Variants in FKBP9 observed in about 807,000 individuals in gnomAD.
FKBP9 encodes the protein FKBP prolyl isomerase 9.
In FKBP9, 27 loss-of-function variants were observed where a neutral mutation model predicts 55.6. The ratio of observed to expected loss-of-function variants is 0.49; its 90% CI spans 0.36 to 0.67. The LOEUF (loss-of-function observed/expected upper bound fraction) is 0.67. FKBP9 is among the 30% of genes least tolerant of loss of function. The pLI, the probability that FKBP9 is intolerant of heterozygous loss-of-function variation, is 0.00. For synonymous variants in FKBP9, 267 were observed against 296.5 expected, an observed-to-expected ratio of 0.90 and a Z score of 1.02; for missense variants, 539 against 742.8, an observed-to-expected ratio of 0.73 and a Z score of 3.19.
rs372601051 is a variant in FKBP9, at chr7:33,000,228, C to T, written c.1340C>T (p.Pro447Leu). ...CVGEKRTVII[P>L]PHLGYGEAGV... ...GGCGAGAAACGGACAGTGATCATTCCGCCTCACCTGGGCTATGGGGAAGCT... is the reference window on the plus strand; with the variant it reads ...GGCGAGAAACGGACAGTGATCATTCTGCCTCACCTGGGCTATGGGGAAGCT... The change falls in exon 8 of 10, where the codon CCG (proline) becomes CTG (leucine). Residue 447 changes from proline to leucine, a missense_variant. This residue lies in a region of FKBP9 where 102 missense variants were observed against 200.7 expected (regional missense o/e 0.51). Transcript: ENST00000242209. 1.3e-5 allele frequency: 21 copies of T among 1,612,868 alleles called. No individual in the cohort carries two copies. The highest frequency in any genetic ancestry group is 1.1e-4 in the East Asian group (5 of 44,784).
chr7:32,996,075 C>T (rs1315968391), intron 6 of FKBP9, 88 bp from the exon 7 acceptor site: 1 of 1,212,706 alleles, frequency 8.2e-7, no homozygotes. Context: ...ACTTGGAGGG[C>T]CTTGAGGACA....
At chr7:32,967,349 A>G (rs1388692390) in intron 1 of FKBP9, among the ~76,000 whole-genome samples, 1 of 152,248 alleles carries the variant, frequency 6.6e-6, no homozygotes, top group Non-Finnish European at 1.5e-5. Flanking sequence ...TGCAAAATTG[A>G]AACTTTGTGC....
At chr7:32,960,416 G>A (rs1167697620) in intron 1 of FKBP9, among the ~76,000 whole-genome samples, 1 of 152,104 alleles carries the variant, frequency 6.6e-6, no homozygotes, top group Non-Finnish European at 1.5e-5. Flanking sequence ...CGCCTGGCCT[G>A]TGTCTTTGAT....
Position 33,005,177 on chromosome 7 carries a change from C to G in FKBP9, c.1539C>G (p.Phe513Leu), listed in dbSNP as rs541221401. ...TTTCCTGTCCCCTTCTTTTCCAGTT[C>G]TCAGAGTACATTCACGCCCAGGTGG... ...DGNGEVLLEE[F>L]SEYIHAQVAS... The change falls in exon 10 of 10, where the codon TTC becomes TTG. Residue 513 changes from phenylalanine (F) to leucine (L), a missense_variant and splice_region_variant. Phe to Leu is a conservative substitution (Grantham distance 22). Around this residue, in one of 4 missense-constraint regions of FKBP9, gnomAD observed 102 missense variants for 200.7 expected, o/e 0.51. Transcript: ENST00000242209. The G allele has an allele frequency of 1.2e-6, 2 of 1,613,378 alleles. No individual in the cohort carries two copies. Among genetic ancestry groups the G allele is most frequent in the Non-Finnish European group, 1.7e-6 (2 of 1,179,478 alleles).
chr7:32,977,751 G>A (rs1449535958), intron 4 of FKBP9, among the ~76,000 whole-genome samples: 1 of 149,656 alleles, frequency 6.7e-6, no homozygotes, highest in African/African-American at 2.5e-5. Flanking sequence ...GGGAGCCTGA[G>A]GTGATGGGGC....
At chr7:33,001,684 T>C (rs1296682511) in intron 8 of FKBP9, among the ~76,000 whole-genome samples, 2 of 152,160 alleles carry the variant, frequency 1.3e-5, no homozygotes, top group East Asian at 3.8e-4. Flanking sequence ...ATTCCATACT[T>C]AGATAACTTC....
intron 1 of FKBP9, among the ~76,000 whole-genome samples, chr7:32,970,236 G>A (rs1022848373): frequency 7.3e-5 from 11 of 151,524 alleles, no homozygotes; most frequent in Admixed American, 5.3e-4. Flanking sequence ...TCGCTCTGTC[G>A]CCCAGACTGG....
At chr7:32,990,993 C>T (rs1238203127) in intron 6 of FKBP9, among the ~76,000 whole-genome samples, 1 of 152,164 alleles carries the variant, frequency 6.6e-6, no homozygotes, top group Non-Finnish European at 1.5e-5. Context: ...AAGATCCATT[C>T]GACAGGGCTT....
At chr7:32,988,266 T>C (rs774946529) in intron 5 of FKBP9, among the ~76,000 whole-genome samples, 5 of 152,220 alleles carry the variant, frequency 3.3e-5, no homozygotes, top group African/African-American at 4.8e-5. Context: ...ATTCATAACC[T>C]GATGAAACTG....
intron 8 of FKBP9, among the ~76,000 whole-genome samples, 175 bp from the exon 9 acceptor site, chr7:33,002,501 T>C (rs1485018779): frequency 6.6e-6 from 1 of 152,086 alleles, no homozygotes; most frequent in Non-Finnish European, 1.5e-5. Flanking sequence ...ATTTCGTGAG[T>C]CATTAACGGG....
At chr7:32,978,876 T>C (rs1433640077) in intron 4 of FKBP9, among the ~76,000 whole-genome samples, 1 of 152,258 alleles carries the variant, frequency 6.6e-6, no homozygotes, top group East Asian at 1.9e-4. Flanking sequence ...GCTATCCAAG[T>C]ATAACTTTAA....
At chr7:32,965,722 C>T (rs1386555633) in intron 1 of FKBP9, among the ~76,000 whole-genome samples, 2 of 133,944 alleles carry the variant, frequency 1.5e-5, no homozygotes, top group African/African-American at 2.9e-5. Context: ...TGCTTGAACC[C>T]GGGAGGTGGA....
rs370022441 is a variant in FKBP9 at position 32,996,944 on chromosome 7, G to C, written c.1226+595G>C. Among the ~76,000 whole-genome samples, 9 of 148,136 alleles carry C rather than the reference G, an allele frequency of 6.1e-5. No homozygotes were observed. In the East Asian group the frequency reaches 1.4e-3, roughly 23 times the overall value. ...CTAGTAGCTGGGACTACAGGCACCC[G>C]CCACCGCGCCTGGCTAATTTTTTGT... On this transcript the variant is annotated intron_variant, in intron 7 of 9. Transcript: ENST00000242209.
intron 5 of FKBP9, among the ~76,000 whole-genome samples, chr7:32,987,316 T>C (rs1475080004): frequency 6.6e-6 from 1 of 151,838 alleles, no homozygotes; most frequent in Non-Finnish European, 1.5e-5. Flanking sequence ...GGCAACGTGG[T>C]GAAACCCCAT....
chr7:32,975,095 C>T (rs1341469025), intron 2 of FKBP9, 87 bp from the exon 3 acceptor site: 1 of 1,082,122 alleles, frequency 9.2e-7, no homozygotes, highest in Non-Finnish European at 1.4e-6. Context: ...TTTTGGCCCA[C>T]ATTCACCTTG....
chr7:32,996,437 T>A (rs1784788084), intron 7 of FKBP9, 88 bp downstream of exon 7: 1 of 774,232 alleles, frequency 1.3e-6, no homozygotes, highest in Non-Finnish European at 2.2e-6. Context: ...TAGATGCTGG[T>A]TGAGAGCTTT....
intron 4 of FKBP9, 107 bp downstream of exon 4, chr7:32,976,606 C>T: frequency 4.2e-6 from 6 of 1,441,144 alleles, no homozygotes; most frequent in Non-Finnish European, 5.6e-6. Context: ...CGGTCTAGAC[C>T]TACACTGGCC....
chr7:32,962,758 G>A (rs1469662477), intron 1 of FKBP9, among the ~76,000 whole-genome samples: 2 of 152,016 alleles, frequency 1.3e-5, no homozygotes, highest in African/African-American at 4.8e-5. Context: ...ATGTAACAGT[G>A]AATAAAACAG....
At chr7:32,994,201 A>G (rs1298857349) in intron 6 of FKBP9, among the ~76,000 whole-genome samples, 1 of 152,188 alleles carries the variant, frequency 6.6e-6, no homozygotes, top group Non-Finnish European at 1.5e-5. Flanking sequence ...CATCACTCCA[A>G]AAAGTAACCC....
Sources: allele counts gnomAD v4.1 joint callset (sites outside exome capture counted in the v4.1 genomes callset), GRCh38; gene constraint gnomAD v4.1.1; regional missense constraint gnomAD v4.1.1; transcripts MANE v1.5; gene names NCBI Gene and HGNC (gene_info 2026-07-23, HGNC 2026-07-21).